PKP2: variants seen among roughly 807,000 people sequenced by gnomAD.
PKP2 encodes the protein plakophilin-2.
In PKP2, 73 loss-of-function variants were observed where a neutral mutation model predicts 83.4. That is an observed-to-expected ratio of 0.88 (90% confidence interval 0.72 to 1.06). The LOEUF (loss-of-function observed/expected upper bound fraction) is 1.06. Among genes scored for constraint, PKP2 ranks in the 50% least tolerant of loss-of-function variants. The pLI, the probability that PKP2 is intolerant of heterozygous loss-of-function variation, is 0.00. For synonymous variants in PKP2, 409 were observed against 430.4 expected, an observed-to-expected ratio of 0.95 and a Z score of 0.62; for missense variants, 966 against 1,065.4, an observed-to-expected ratio of 0.91 and a Z score of 1.30.
At chr12:32,832,062 T>C (rs1332266555) in intron 6 of PKP2, among the ~76,000 whole-genome samples, 4 of 152,184 alleles carry the variant, frequency 2.6e-5, no homozygotes, top group African/African-American at 9.7e-5. Context: ...CCCATTTAAA[T>C]ACCACTTCCA....
At chr12:32,851,083 C>T in intron 4 of PKP2, 110 bp from the exon 5 acceptor site, 2 of 861,404 alleles carry the variant, frequency 2.3e-6, no homozygotes, top group Non-Finnish European at 3.8e-6. Context: ...AACCTTTCTT[C>T]ATCAACAACT....
At chr12:32,861,028 A>AAAACAAACAAACAAAC (rs58398546) in intron 4 of PKP2, among the ~76,000 whole-genome samples, 3,990 of 151,450 alleles carry the variant, frequency 0.026, 77 homozygotes, top group Non-Finnish European at 0.035. Context: ...ACTCTGTCTC[A>AAAACAAACAAACAAAC]AAACAAACAA....
intron 11 of PKP2, among the ~76,000 whole-genome samples, chr12:32,793,091 T>TTTTTTGTATTTTTA (rs1956087188): frequency 6.6e-6 from 1 of 151,946 alleles, no homozygotes; most frequent in African/African-American, 2.4e-5. Flanking sequence ...AAATACAAAA[T>TTTTTTGTATTTTTA]CTAGCTGGGC....
chr12:32,804,854 C>T (rs570872128), intron 9 of PKP2, among the ~76,000 whole-genome samples: 1 of 152,310 alleles, frequency 6.6e-6, no homozygotes, highest in South Asian at 2.1e-4. Context: ...ATTTCTGCCT[C>T]TAGATCTTTG....
intron 1 of PKP2, among the ~76,000 whole-genome samples, chr12:32,884,211 TGGG>T (rs1426282017): frequency 6.6e-6 from 1 of 152,176 alleles, no homozygotes; most frequent in Non-Finnish European, 1.5e-5. Context: ...CCTAGCACTT[TGGG>T]AGGTCCAAGT....
intron 3 of PKP2, 53 bp downstream of exon 3, chr12:32,877,793 G>A (rs766563283): frequency 3.8e-6 from 5 of 1,299,396 alleles, no homozygotes; most frequent in Non-Finnish European, 5.6e-6. Context: ...TCAGGGCTGT[G>A]GGAACAGAAT....
At chr12:32,838,877 C>G (rs1284598041) in intron 6 of PKP2, among the ~76,000 whole-genome samples, 1 of 152,172 alleles carries the variant, frequency 6.6e-6, no homozygotes, top group African/African-American at 2.4e-5. Context: ...GGAACAAGCA[C>G]TAGCTTTTGC....
chr12:32,858,412 T>C (rs908775575), intron 4 of PKP2, among the ~76,000 whole-genome samples: 3 of 151,990 alleles, frequency 2.0e-5, no homozygotes, highest in Non-Finnish European at 2.9e-5. Context: ...CCTTCACCTA[T>C]ATGTATAAAG....
chr12:32,811,381 G>C (rs1347726083), intron 9 of PKP2, among the ~76,000 whole-genome samples: 1 of 152,182 alleles, frequency 6.6e-6, no homozygotes, highest in African/African-American at 2.4e-5. Context: ...CAGCATTATA[G>C]ACTTGTTTTG....
chr12:32,856,652 A>G (rs1341746911), intron 4 of PKP2, among the ~76,000 whole-genome samples: 1 of 152,094 alleles, frequency 6.6e-6, no homozygotes, highest in African/African-American at 2.4e-5. Context: ...TACCTAATGT[A>G]AATGACGAGT....
chr12:32,875,842 A>T (rs1319374463), intron 3 of PKP2, among the ~76,000 whole-genome samples: 1 of 152,116 alleles, frequency 6.6e-6, no homozygotes, highest in African/African-American at 2.4e-5. Context: ...TTAGTTTAGG[A>T]TATACTGAGT....
chr12:32,858,216 G>A (rs1565592844), intron 4 of PKP2, among the ~76,000 whole-genome samples: 2 of 146,370 alleles, frequency 1.4e-5, no homozygotes, highest in Admixed American at 7.0e-5. Flanking sequence ...GCTCCGGTGG[G>A]AGGAATGACC....
intron 3 of PKP2, among the ~76,000 whole-genome samples, chr12:32,870,052 A>C (rs1455863394): frequency 6.6e-6 from 1 of 152,108 alleles, no homozygotes; most frequent in Non-Finnish European, 1.5e-5. Flanking sequence ...CAAAATAATG[A>C]CTAAAGACAT....
intron 1 of PKP2, among the ~76,000 whole-genome samples, chr12:32,896,283 T>C (rs1957122690): frequency 6.6e-6 from 1 of 152,216 alleles, no homozygotes; most frequent in African/African-American, 2.4e-5. Context: ...CATTGATAGA[T>C]ATGTACAATA....
At chr12:32,894,800 G>A (rs1957107185) in intron 1 of PKP2, 1 of 152,162 alleles carries the variant, frequency 6.6e-6, no homozygotes, top group Non-Finnish European at 1.5e-5. Context: ...GAGAATGAAT[G>A]GGTGTAATGG....
intron 5 of PKP2, among the ~76,000 whole-genome samples, chr12:32,847,068 T>C (rs7304398): frequency 0.43 from 65,051 of 151,732 alleles, 16,014 homozygotes; most frequent in African/African-American, 0.69. Flanking sequence ...ACAGAAAGCC[T>C]TAGCTTAGTG....
At position 32,855,773 on chromosome 12, in the gene PKP2, C is replaced by CAAAAAAAAAAAA. The variant is rs11431590; in HGVS notation, c.1171-4812_1171-4801dup. ...CCTGGGCGACAGAGAGACTCCATCT[C>CAAAAAAAAAAAA]AAAAAAAAAAAAAAAAAAAAAAGGA... On this transcript the variant is annotated intron_variant, in intron 4 of 12. Transcript: ENST00000340811. Among the ~76,000 whole-genome samples, 17 of 46,826 alleles carry CAAAAAAAAAAAA rather than the reference C, an allele frequency of 3.6e-4. 1 individual carries two copies. Among genetic ancestry groups the CAAAAAAAAAAAA allele is most frequent in the African/African-American group, 1.3e-3 (12 of 9,420 alleles). 30.7% of individuals were successfully genotyped at this position (46,826 alleles called of 152,430 possible). A position where few individuals can be genotyped will look rare whatever the true frequency, so the allele number is the denominator to read the frequency against.
intron 5 of PKP2, among the ~76,000 whole-genome samples, chr12:32,841,598 C>T (rs75650004): frequency 0.073 from 11,159 of 152,198 alleles, 428 homozygotes; most frequent in Middle Eastern, 0.13. Context: ...ACTAAAACTT[C>T]AACATTTTTA....
chr12:32,824,981 TTAAG>T (rs1694266849), intron 6 of PKP2, among the ~76,000 whole-genome samples: 2 of 152,142 alleles, frequency 1.3e-5, no homozygotes, highest in African/African-American at 4.8e-5. Flanking sequence ...TTCCTTTAGA[TTAAG>T]TTTTTCTTAC....
Sources: gnomAD v4.1 joint callset for allele counts (sites outside exome capture counted in the v4.1 genomes callset) on GRCh38, gnomAD v4.1.1 for gene constraint, MANE v1.5 for transcripts, NCBI Gene and HGNC (gene_info 2026-07-23, HGNC 2026-07-21) for gene names.